SIK2: variants seen among roughly 807,000 people sequenced by gnomAD.
The protein encoded by SIK2 is serine/threonine-protein kinase SIK2.
A neutral mutation model predicts 103.2 loss-of-function variants in SIK2; 29 were observed. The observed-to-expected ratio is 0.28, with a 90% CI of 0.21 to 0.38. SIK2 has a LOEUF of 0.38. SIK2 is among the 10% of genes least tolerant of loss of function. SIK2 has a pLI of 1.00. For synonymous variants in SIK2, 412 were observed against 446.1 expected (o/e 0.92, Z 0.96); for missense variants, 879 against 1,171.0 (o/e 0.75, Z 3.64).
chr11:111,673,494 T>C (rs1942656608), intron 3 of SIK2, among the ~76,000 whole-genome samples: 1 of 152,206 alleles, frequency 6.6e-6, no homozygotes, highest in Non-Finnish European at 1.5e-5. Flanking sequence ...TGTTTACCTT[T>C]GACTTTCCTG....
rs952984003 is a variant in SIK2, at chr11:111,688,196, G to A, written c.478+34G>A. On this transcript the variant is annotated intron_variant, in intron 4 of 14. Transcript: ENST00000304987. The surrounding 1 kb of genome is among the most constrained non-coding windows in gnomAD (Gnocchi z 4.2). ...GACACAACTGGCTCTAATAAGATCC[G>A]AAGTGAGCCACTGCACTCAGTGTGT... 14 of 1,610,190 alleles carry A rather than the reference G, an allele frequency of 8.7e-6. No homozygotes were observed. Among genetic ancestry groups the A allele is most frequent in the African/African-American group, 4.0e-5 (3 of 74,844 alleles).
intron 3 of SIK2, among the ~76,000 whole-genome samples, chr11:111,623,169 C>T (rs1186187534): frequency 6.6e-6 from 1 of 152,148 alleles, no homozygotes; most frequent in Non-Finnish European, 1.5e-5. Context: ...TTTTCTTCTG[C>T]CATTAATCCC....
At chr11:111,671,541 G>A (rs999967058) in intron 3 of SIK2, 5 of 319,586 alleles carry the variant, frequency 1.6e-5, no homozygotes, top group Admixed American at 8.1e-5. Flanking sequence ...ACTTGATCTG[G>A]TACATGCTCT....
At chr11:111,603,599 C>T (rs1052019496) in intron 1 of SIK2, among the ~76,000 whole-genome samples, 1 of 152,180 alleles carries the variant, frequency 6.6e-6, no homozygotes, top group South Asian at 2.1e-4. Flanking sequence ...TCTTACCTAA[C>T]CCGCCCCCCT....
At chr11:111,638,552 T>G (rs1942140493) in intron 3 of SIK2, among the ~76,000 whole-genome samples, 1 of 152,206 alleles carries the variant, frequency 6.6e-6, no homozygotes, top group Non-Finnish European at 1.5e-5. Flanking sequence ...CTCAAGTCAG[T>G]TGAGCTGGTA....
chr11:111,636,807 G>A lies in SIK2; in HGVS notation c.316+16405G>A, dbSNP rs550286812. Among the ~76,000 whole-genome samples, 11 of 152,296 alleles carry A rather than the reference G, an allele frequency of 7.2e-5. No individual in the cohort carries two copies. In the South Asian group the frequency reaches 2.3e-3, roughly 32 times the overall value. The stretch of plus-strand genomic sequence containing the variant: ...TTTCTTTCAGAATAATGAGGATATT[G>A]TTCCATTGTCTTGGAATTTCCAGGG... On this transcript the variant is annotated intron_variant, in intron 3 of 14. Transcript: ENST00000304987.
At chr11:111,723,396 TAAGTAG>T (rs1943864062) in intron 14 of SIK2, 94 bp from the exon 15 acceptor site, 1 of 1,306,556 alleles carries the variant, frequency 7.7e-7, no homozygotes, top group Non-Finnish European at 1.1e-6. Context: ...GAGAGAGACT[TAAGTAG>T]AAGACTGAAG....
Position 111,727,124 on chromosome 11 carries a change from T to C in SIK2, c.*2995T>C. The C allele has an allele frequency of 7.1e-7, 1 of 1,413,652 alleles. No individual in the cohort carries two copies. The allele number at this position is 1,413,652 out of a possible 1,614,324, so 87.6% of individuals were successfully genotyped here. The stretch of plus-strand genomic sequence containing the variant: ...CCCACTTTCACATTCCCGGTGACAC[T>C]GACCGTCCCCAGCTGCCCCCTCGCC... On this transcript the variant is annotated 3_prime_UTR_variant, in exon 15 of 15. Transcript: ENST00000304987.
At chr11:111,671,250 G>A (rs1361244831) in intron 3 of SIK2, 1 of 259,510 alleles carries the variant, frequency 3.9e-6, no homozygotes, top group Non-Finnish European at 7.6e-6. Context: ...TGATCTCGAT[G>A]TCCAGGGCTA....
At chr11:111,642,667 C>A (rs750898899) in intron 3 of SIK2, among the ~76,000 whole-genome samples, 2 of 152,124 alleles carry the variant, frequency 1.3e-5, no homozygotes, top group Admixed American at 6.5e-5. Context: ...ACTCAATCTC[C>A]AACCCCCATC....
intron 3 of SIK2, among the ~76,000 whole-genome samples, chr11:111,629,571 G>A (rs1220164511): frequency 2.6e-5 from 4 of 152,024 alleles, no homozygotes; most frequent in African/African-American, 4.8e-5. Flanking sequence ...AGTTTGCTAC[G>A]GACAATTGAT....
At chr11:111,718,565 C>T (rs1027063163) in intron 9 of SIK2, among the ~76,000 whole-genome samples, 1 of 152,238 alleles carries the variant, frequency 6.6e-6, no homozygotes, top group South Asian at 2.1e-4. Flanking sequence ...TAACCTTCCC[C>T]TCCCTGCAGC....
At chr11:111,711,315 G>A (rs1203090846) in intron 8 of SIK2, among the ~76,000 whole-genome samples, 1 of 152,042 alleles carries the variant, frequency 6.6e-6, no homozygotes, top group East Asian at 1.9e-4. Flanking sequence ...TAGAGACGGG[G>A]TTTCACCATG....
At chr11:111,612,006 A>G (rs973569739) in intron 1 of SIK2, among the ~76,000 whole-genome samples, 2 of 152,104 alleles carry the variant, frequency 1.3e-5, no homozygotes, top group African/African-American at 4.8e-5. Flanking sequence ...AAATGTGTTC[A>G]TCTTCTTCTT....
chr11:111,711,541 CAT>C (rs1491237344), intron 8 of SIK2, among the ~76,000 whole-genome samples: 1 of 152,250 alleles, frequency 6.6e-6, no homozygotes, highest in African/African-American at 2.4e-5. Context: ...ACTTCAAAAA[CAT>C]AGCTTGCAGT....
intron 3 of SIK2, among the ~76,000 whole-genome samples, chr11:111,680,881 A>G (rs1218918785): frequency 2.0e-5 from 3 of 152,374 alleles, no homozygotes; most frequent in South Asian, 4.1e-4. Context: ...TACTATATAC[A>G]TAACTTTAAT....
intron 2 of SIK2, among the ~76,000 whole-genome samples, chr11:111,618,776 C>T (rs1293631512): frequency 6.6e-6 from 1 of 152,114 alleles, no homozygotes; most frequent in African/African-American, 2.4e-5. Context: ...TGTCACCCAG[C>T]GTGGGGTGCA....
chr11:111,625,620 C>T (rs1941951805), intron 3 of SIK2, among the ~76,000 whole-genome samples: 1 of 152,044 alleles, frequency 6.6e-6, no homozygotes, highest in African/African-American at 2.4e-5. Context: ...ACAAATGATG[C>T]CGATAGATCA....
intron 3 of SIK2, among the ~76,000 whole-genome samples, chr11:111,669,886 C>G (rs1304048400): frequency 6.6e-6 from 1 of 152,116 alleles, no homozygotes; most frequent in Non-Finnish European, 1.5e-5. Flanking sequence ...CCTAAAGTAT[C>G]TTTTCTACCT....
Sources: gnomAD v4.1 joint callset for allele counts (sites outside exome capture counted in the v4.1 genomes callset) on GRCh38, gnomAD v4.1.1 for gene constraint, Gnocchi (gnomAD v3.1) non-coding constraint, MANE v1.5 for transcripts, NCBI Gene and HGNC (gene_info 2026-07-23, HGNC 2026-07-21) for gene names.